ARHGEF11: variants seen among roughly 807,000 people sequenced by gnomAD.
ARHGEF11 encodes the protein Rho guanine exchange factor (GEF) 11.
In ARHGEF11, 55 loss-of-function variants were observed where a neutral mutation model predicts 193.7. The ratio of observed to expected loss-of-function variants is 0.28; its 90% CI spans 0.23 to 0.36. The LOEUF (loss-of-function observed/expected upper bound fraction) is 0.36. Ranked by LOEUF, ARHGEF11 falls within the 10% of genes least tolerant of loss-of-function variation. The probability of loss-of-function intolerance (pLI) is 1.00; values close to 1 mark genes in which losing one functional copy is unlikely to be tolerated. For synonymous variants in ARHGEF11, 693 were observed against 768.0 expected (o/e 0.90, Z 1.62); for missense variants, 1,723 against 2,005.6 (o/e 0.86, Z 2.69).
intron 1 of ARHGEF11, among the ~76,000 whole-genome samples, chr1:157,014,966 G>A (rs749875559): frequency 5.3e-5 from 8 of 152,224 alleles, no homozygotes; most frequent in African/African-American, 1.4e-4. Flanking sequence ...GGCTCCATAT[G>A]GAACTCTCTA....
chr1:156,994,991 G>A (rs906169095), intron 1 of ARHGEF11, among the ~76,000 whole-genome samples: 2 of 149,450 alleles, frequency 1.3e-5, no homozygotes, highest in Non-Finnish European at 3.0e-5. Flanking sequence ...ACTTGCTCAC[G>A]CCAGAAATCT....
intron 1 of ARHGEF11, among the ~76,000 whole-genome samples, chr1:157,037,990 C>A (rs183282842): frequency 7.0e-6 from 1 of 143,164 alleles, no homozygotes. Flanking sequence ...CGAGATCACG[C>A]CACTGCACTC....
At chr1:157,030,890 C>G (rs1308888000) in intron 1 of ARHGEF11, among the ~76,000 whole-genome samples, 1 of 152,042 alleles carries the variant, frequency 6.6e-6, no homozygotes, top group East Asian at 1.9e-4. Flanking sequence ...TCACTGCACT[C>G]TTATCTGGGT....
intron 7 of ARHGEF11, among the ~76,000 whole-genome samples, chr1:156,972,344 T>C (rs551326245): frequency 6.6e-6 from 1 of 152,340 alleles, no homozygotes; most frequent in South Asian, 2.1e-4. Context: ...TAGGGACACC[T>C]GGCTTTGACT....
intron 35 of ARHGEF11, among the ~76,000 whole-genome samples, chr1:156,940,939 A>G (rs760306438): frequency 2.6e-5 from 4 of 152,196 alleles, no homozygotes; most frequent in Non-Finnish European, 5.9e-5. Flanking sequence ...CTCAATGAGA[A>G]TGCTGTCCCC....
At chr1:156,975,061 T>A (rs1663068172) in intron 7 of ARHGEF11, among the ~76,000 whole-genome samples, 1 of 152,246 alleles carries the variant, frequency 6.6e-6, no homozygotes, top group Non-Finnish European at 1.5e-5. Context: ...ATAGTATTGC[T>A]GTGTTTCATG....
chr1:157,017,725 A>AAAAAAAG, intron 1 of ARHGEF11, among the ~76,000 whole-genome samples: 2 of 150,590 alleles, frequency 1.3e-5, no homozygotes, highest in East Asian at 3.9e-4. Flanking sequence ...AAAAAAAAAA[A>AAAAAAAG]AAAAAAGAAA....
intron 1 of ARHGEF11, among the ~76,000 whole-genome samples, chr1:157,025,474 G>A (rs777311450): frequency 5.9e-5 from 9 of 152,210 alleles, no homozygotes; most frequent in Non-Finnish European, 8.8e-5. Context: ...GATCTGTGCT[G>A]CCAGCTAGTT....
At chr1:157,001,637 C>G (rs567758096) in intron 1 of ARHGEF11, among the ~76,000 whole-genome samples, 1 of 152,218 alleles carries the variant, frequency 6.6e-6, no homozygotes, top group Non-Finnish European at 1.5e-5. Context: ...CTTTGCAGAT[C>G]TAGATCACAC....
chr1:156,978,425 T>C (rs1191040568), intron 5 of ARHGEF11, 43 bp from the exon 6 acceptor site: 1 of 1,538,290 alleles, frequency 6.5e-7, no homozygotes, highest in Non-Finnish European at 8.7e-7. Flanking sequence ...AGTGCTGTTC[T>C]GGAGAGACAG....
Position 157,006,725 on chromosome 1 carries a change from T to C in ARHGEF11, c.33-20552A>G, listed in dbSNP as rs371495718. On this transcript the variant is annotated intron_variant, in intron 1 of 40. Coordinates refer to ENST00000368194, the MANE Select transcript of ARHGEF11 (RefSeq NM_198236.3). ...AGAAAGGCAGAGACTGAGAAAAGTTTCACCATCTGCTGGCACCTCCTTCCC... is the reference window on the plus strand; with the variant it reads ...AGAAAGGCAGAGACTGAGAAAAGTTCCACCATCTGCTGGCACCTCCTTCCC... 2.6e-5 allele frequency among the ~76,000 whole-genome samples: 4 copies of C among 152,314 alleles called. No individual in the cohort carries two copies. In the East Asian group the frequency reaches 5.8e-4, roughly 22 times the overall value.
intron 1 of ARHGEF11, among the ~76,000 whole-genome samples, chr1:157,026,933 C>T (rs1670716794): frequency 6.6e-6 from 1 of 152,146 alleles, no homozygotes; most frequent in African/African-American, 2.4e-5. Context: ...GCAGCATGGA[C>T]CAGAGTTGGG....
At chr1:156,989,587 C>A (rs962401331) in intron 1 of ARHGEF11, among the ~76,000 whole-genome samples, 1 of 152,354 alleles carries the variant, frequency 6.6e-6, no homozygotes. Context: ...CCTACCTCTA[C>A]TGGATCCTAA....
chr1:157,032,127 C>T (rs1477249352), intron 1 of ARHGEF11, among the ~76,000 whole-genome samples: 1 of 152,178 alleles, frequency 6.6e-6, no homozygotes, highest in Non-Finnish European at 1.5e-5. Flanking sequence ...AGCCCACCAT[C>T]CTTAAAGATC....
At chr1:156,994,561 A>C (rs1462344610) in intron 1 of ARHGEF11, among the ~76,000 whole-genome samples, 1 of 152,178 alleles carries the variant, frequency 6.6e-6, no homozygotes, top group South Asian at 2.1e-4. Flanking sequence ...GGTCTTAGAC[A>C]AAAAGAGATT....
chr1:156,955,970 C>T (rs1202738957), intron 19 of ARHGEF11, among the ~76,000 whole-genome samples, 171 bp from the exon 20 acceptor site: 1 of 152,296 alleles, frequency 6.6e-6, no homozygotes, highest in African/African-American at 2.4e-5. Flanking sequence ...TTGGAAGAGA[C>T]TGAGAGCTGC....
chr1:156,946,813 C>T (rs753121157), intron 27 of ARHGEF11, 26 bp from the exon 28 acceptor site: 1 of 1,613,638 alleles, frequency 6.2e-7, no homozygotes, highest in South Asian at 1.1e-5. Context: ...GGACACGGGG[C>T]CAGGCATCAA....
intron 39 of ARHGEF11, 38 bp downstream of exon 39, chr1:156,937,211 C>T: frequency 6.2e-7 from 1 of 1,612,308 alleles, no homozygotes; most frequent in Non-Finnish European, 8.5e-7. Flanking sequence ...GGGTGATGGA[C>T]TGAAGGCCTG....
intron 1 of ARHGEF11, among the ~76,000 whole-genome samples, chr1:157,019,702 C>CA (rs1019165349): frequency 3.9e-5 from 6 of 152,132 alleles, no homozygotes; most frequent in African/African-American, 1.4e-4. Context: ...TATTGATAGA[C>CA]ACACCAATAT....
Sources: allele counts gnomAD v4.1 joint callset (sites outside exome capture counted in the v4.1 genomes callset), GRCh38; gene constraint gnomAD v4.1.1; transcripts MANE v1.5; gene names NCBI Gene and HGNC (gene_info 2026-07-23, HGNC 2026-07-21).